Variants in PLEKHG4B observed in about 807,000 individuals in gnomAD.
PLEKHG4B encodes pleckstrin homology and RhoGEF domain containing G4B.
Under a neutral mutation model 121.3 loss-of-function variants are expected in PLEKHG4B, and 111 were observed. That is an observed-to-expected ratio of 0.92 (90% CI 0.78 to 1.07). PLEKHG4B has a LOEUF of 1.07. Ranked by LOEUF, PLEKHG4B falls within the 50% of genes least tolerant of loss-of-function variation. The probability of loss-of-function intolerance (pLI) is 0.00; values close to 1 mark genes in which losing one functional copy is unlikely to be tolerated. For missense variants in PLEKHG4B, 1,831 were observed against 1,757.8 expected (o/e 1.04, Z -0.74); for synonymous variants, 738 against 725.0 (o/e 1.02, Z -0.29).
chr5:134,964 C>T (rs1393446927), intron 2 of PLEKHG4B, among the ~76,000 whole-genome samples: 4 of 151,730 alleles, frequency 2.6e-5, no homozygotes, highest in East Asian at 1.9e-4. Flanking sequence ...CCAAGGCAGG[C>T]GGATCACCAG....
intron 1 of PLEKHG4B, among the ~76,000 whole-genome samples, chr5:111,460 T>TC (rs952745720): frequency 1.1e-4 from 16 of 152,160 alleles, no homozygotes; most frequent in African/African-American, 3.6e-4. Context: ...GCCATCTCCT[T>TC]CCTTATGTCG....
rs774309266 is a variant in PLEKHG4B, at chr5:171,469, T to C, written c.4050+25T>C. Reference sequence around the variant, plus strand: ...CGTAAGTGCCTCAGACGCTGGCAGCTCAGGCAAGCTGGGGGAATTTGAGGC... The same window carrying C: ...CGTAAGTGCCTCAGACGCTGGCAGCCCAGGCAAGCTGGGGGAATTTGAGGC... On this transcript the variant is annotated intron_variant, in intron 16 of 19. Transcript: ENST00000637938. 9.0e-6 allele frequency: 14 copies of C among 1,548,394 alleles called. No homozygotes were observed. In the Middle Eastern group the frequency reaches 7.1e-4, roughly 79 times the overall value.
intron 1 of PLEKHG4B, among the ~76,000 whole-genome samples, chr5:110,934 T>C (rs1356273126): frequency 1.3e-5 from 2 of 152,264 alleles, no homozygotes; most frequent in Non-Finnish European, 2.9e-5. Context: ...GGTGGACCTG[T>C]GCTTGCAGGT....
At chr5:101,285 C>T (rs1255468345) in intron 1 of PLEKHG4B, among the ~76,000 whole-genome samples, 1 of 109,720 alleles carries the variant, frequency 9.1e-6, no homozygotes, top group Non-Finnish European at 1.7e-5. Flanking sequence ...CCATATAAAG[C>T]CCTGGGAAAA....
chr5:99,172 A>G (rs1156489383), intron 1 of PLEKHG4B, among the ~76,000 whole-genome samples: 10 of 1,020 alleles, frequency 9.8e-3, no homozygotes, highest in Admixed American at 0.011. Flanking sequence ...AAAAAAGTGT[A>G]TATATATATA....
Position 143,528 on chromosome 5 carries a change from C to G in PLEKHG4B, c.1811+25C>G, listed in dbSNP as rs181240101. On this transcript the variant is annotated intron_variant, in intron 5 of 19. Transcript: ENST00000637938. ...GGTGGGACGGGGGGCAAGGCCGCAC[C>G]CTGCAGACCCATGGGACCCCAGCTG... The G allele has an allele frequency of 3.8e-4, 617 of 1,608,748 alleles. 1 individual carries two copies. The African/African-American group carries it at 7.3e-3, about 19-fold the overall frequency.
chr5:144,308 A>C (rs1735332316), intron 5 of PLEKHG4B: 2 of 152,402 alleles, frequency 1.3e-5, no homozygotes, highest in African/African-American at 4.8e-5. Flanking sequence ...AAAGCTTTTA[A>C]ATTGGAGTTT....
At chr5:165,703 G>A (rs1353965766) in intron 13 of PLEKHG4B, among the ~76,000 whole-genome samples, 3 of 40,194 alleles carry the variant, frequency 7.5e-5, no homozygotes, top group Non-Finnish European at 1.2e-4. Context: ...CTGACGGGGC[G>A]GAGCTCACAC....
intron 12 of PLEKHG4B, 43 bp from the exon 13 acceptor site, chr5:162,678 GC>G: frequency 1.5e-6 from 2 of 1,308,658 alleles, no homozygotes; most frequent in Non-Finnish European, 2.0e-6. Context: ...CTCCAGGGCA[GC>G]CCCTCCTCCA....
chr5:129,018 T>C (rs1734702029), intron 2 of PLEKHG4B, among the ~76,000 whole-genome samples: 1 of 152,232 alleles, frequency 6.6e-6, no homozygotes, highest in African/African-American at 2.4e-5. Flanking sequence ...ATACCAAATC[T>C]GAACCTGTGG....
intron 2 of PLEKHG4B, among the ~76,000 whole-genome samples, chr5:129,940 G>A (rs1235101652): frequency 6.6e-6 from 1 of 152,120 alleles, no homozygotes; most frequent in Non-Finnish European, 1.5e-5. Flanking sequence ...TGGGCAAGAG[G>A]ACAGGCTTCA....
intron 1 of PLEKHG4B, among the ~76,000 whole-genome samples, chr5:107,140 T>C (rs1259145696): frequency 6.6e-6 from 1 of 152,228 alleles, no homozygotes; most frequent in Non-Finnish European, 1.5e-5. Context: ...CTCAGCCAAC[T>C]GTAAAGCTGC....
intron 2 of PLEKHG4B, among the ~76,000 whole-genome samples, chr5:135,685 ATATATAT>A (rs1734957281): frequency 1.3e-3 from 39 of 31,050 alleles, no homozygotes; most frequent in African/African-American, 4.4e-3. Context: ...AAAAAAAAAT[ATATATAT>A]ATATATATAT....
chr5:122,401 TTTTATTTATTTA>T (rs369224362), intron 2 of PLEKHG4B, among the ~76,000 whole-genome samples: 19 of 108,478 alleles, frequency 1.8e-4, no homozygotes, highest in African/African-American at 7.2e-4. Flanking sequence ...TGCCCTTTAT[TTTTATTTATTTA>T]TTTATTTATT....
chr5:181,188 A>C (rs1444065959), intron 18 of PLEKHG4B, among the ~76,000 whole-genome samples: 2 of 152,098 alleles, frequency 1.3e-5, no homozygotes, highest in African/African-American at 4.8e-5. Context: ...CCCTGCTCTA[A>C]TTGGGACCTG....
At chr5:171,016 G>A (rs370782643) in intron 14 of PLEKHG4B, 27 bp from the exon 15 acceptor site, 6 of 1,589,354 alleles carry the variant, frequency 3.8e-6, no homozygotes, top group Admixed American at 1.7e-5. Flanking sequence ...CACTCCCACA[G>A]CCAAGCAGTC....
At chr5:134,100 T>TATATATATAC (rs1734871846) in intron 2 of PLEKHG4B, among the ~76,000 whole-genome samples, 1 of 126,828 alleles carries the variant, frequency 7.9e-6, no homozygotes, top group Non-Finnish European at 1.7e-5. Flanking sequence ...TATATATATA[T>TATATATATAC]ATATATATAT....
chr5:123,085 C>G (rs1244954791), intron 2 of PLEKHG4B, among the ~76,000 whole-genome samples: 3 of 152,130 alleles, frequency 2.0e-5, no homozygotes, highest in Non-Finnish European at 4.4e-5. Context: ...ACATTGCACA[C>G]AACAAATGCA....
chr5:126,443 C>T (rs1734616061), intron 2 of PLEKHG4B, among the ~76,000 whole-genome samples: 1 of 151,986 alleles, frequency 6.6e-6, no homozygotes, highest in Non-Finnish European at 1.5e-5. Flanking sequence ...TCACATCTTT[C>T]TTTAGTTTTT....
Sources: allele counts gnomAD v4.1 joint callset (sites outside exome capture counted in the v4.1 genomes callset), GRCh38; gene constraint gnomAD v4.1.1; transcripts MANE v1.5; gene names NCBI Gene and HGNC (gene_info 2026-07-23, HGNC 2026-07-21).